The following MGMT variants were observed in gnomAD, a reference collection of about 807,000 sequenced individuals.
MGMT encodes the protein O-6-methylguanine-DNA methyltransferase.
In MGMT, 14 loss-of-function variants were observed where a neutral mutation model predicts 15.9. The ratio of observed to expected loss-of-function variants is 0.88; its 90% CI spans 0.58 to 1.37. The LOEUF (loss-of-function observed/expected upper bound fraction) is 1.37. Ranked by LOEUF, MGMT falls within the 40% of genes most tolerant of loss-of-function variation. The probability of loss-of-function intolerance (pLI) is 0.00; values close to 1 mark genes in which losing one functional copy is unlikely to be tolerated. For synonymous variants in MGMT, 130 were observed against 118.2 expected, an observed-to-expected ratio of 1.10 and a Z score of -0.65; for missense variants, 282 against 268.1, an observed-to-expected ratio of 1.05 and a Z score of -0.36.
chr10:129,741,517 G>C (rs1848632753), intron 3 of MGMT, among the ~76,000 whole-genome samples: 1 of 152,224 alleles, frequency 6.6e-6, no homozygotes. Context: ...CTGACCCATG[G>C]TGGAGGTGGT....
At chr10:129,729,699 C>T (rs1001939160) in intron 3 of MGMT, among the ~76,000 whole-genome samples, 6 of 152,192 alleles carry the variant, frequency 3.9e-5, no homozygotes, top group South Asian at 2.1e-4. Context: ...ATATGCCTGC[C>T]GCGTGGCATA....
intron 2 of MGMT, among the ~76,000 whole-genome samples, chr10:129,560,198 A>G (rs1309367391): frequency 6.6e-6 from 1 of 152,184 alleles, no homozygotes; most frequent in African/African-American, 2.4e-5. Context: ...TCAGGGTCTG[A>G]TGTGTAAGTT....
chr10:129,635,108 T>A (rs868116705), intron 2 of MGMT, among the ~76,000 whole-genome samples: 2 of 152,268 alleles, frequency 1.3e-5, no homozygotes, highest in African/African-American at 4.8e-5. Context: ...GGCATTCCAG[T>A]GTGGCTGTCA....
At position 129,511,035 on chromosome 10, in the gene MGMT, C is replaced by T. The variant is rs181563062; in HGVS notation, c.-12-25206C>T. On this transcript the variant is annotated intron_variant, in intron 1 of 4. Coordinates refer to ENST00000651593, the MANE Select transcript of MGMT (RefSeq NM_002412.5). Reference sequence around the variant, plus strand: ...ACACGTGCTTCCTGTAATGGGAACCCGTATACCAGATGCAGCCTGGTGCTT... The same window carrying T: ...ACACGTGCTTCCTGTAATGGGAACCTGTATACCAGATGCAGCCTGGTGCTT... Among the ~76,000 whole-genome samples, 5 of 142,136 alleles carry T rather than the reference C, an allele frequency of 3.5e-5. No homozygotes were observed. In the East Asian group the frequency reaches 1.1e-3, roughly 32 times the overall value. The allele number at this position is 142,136 out of a possible 152,430, so 93.2% of individuals were successfully genotyped here.
chr10:129,679,224 C>T (rs1327317874), intron 2 of MGMT, among the ~76,000 whole-genome samples: 1 of 152,132 alleles, frequency 6.6e-6, no homozygotes, highest in African/African-American at 2.4e-5. Flanking sequence ...TACTTTTTAT[C>T]TATTCCCCAA....
intron 2 of MGMT, chr10:129,563,803 C>T (rs1170949526): frequency 4.6e-5 from 7 of 152,198 alleles, no homozygotes; most frequent in South Asian, 2.1e-4. Context: ...TCCCGTGCCT[C>T]GGTGTGATCA....
intron 2 of MGMT, among the ~76,000 whole-genome samples, chr10:129,589,850 T>C (rs1187261561): frequency 6.6e-6 from 1 of 152,026 alleles, no homozygotes; most frequent in African/African-American, 2.4e-5. Flanking sequence ...TCAGAGCCAA[T>C]GGGAGCTGGC....
At chr10:129,731,858 T>C (rs1848501615) in intron 3 of MGMT, among the ~76,000 whole-genome samples, 1 of 152,242 alleles carries the variant, frequency 6.6e-6, no homozygotes, top group Non-Finnish European at 1.5e-5. Context: ...GATGCCTGCC[T>C]CAGTGGAAGA....
intron 2 of MGMT, among the ~76,000 whole-genome samples, chr10:129,611,288 T>TA (rs1404038619): frequency 6.6e-6 from 1 of 152,146 alleles, no homozygotes; most frequent in African/African-American, 2.4e-5. Flanking sequence ...TCAGGAAACT[T>TA]ACAATCATGG....
intron 1 of MGMT, among the ~76,000 whole-genome samples, chr10:129,525,297 A>C (rs1845857324): frequency 6.6e-6 from 1 of 152,186 alleles, no homozygotes. Context: ...ACCAGATTTT[A>C]TTTTAAGTAT....
At chr10:129,746,583 T>C (rs560800708) in intron 3 of MGMT, among the ~76,000 whole-genome samples, 1 of 152,322 alleles carries the variant, frequency 6.6e-6, no homozygotes, top group South Asian at 2.1e-4. Context: ...GCTTTCTTCA[T>C]TGAAATCCCT....
chr10:129,608,411 A>G (rs1402080006), intron 2 of MGMT, among the ~76,000 whole-genome samples: 1 of 152,204 alleles, frequency 6.6e-6, no homozygotes, highest in Non-Finnish European at 1.5e-5. Flanking sequence ...TACAAGATGT[A>G]CTGAACCTTT....
chr10:129,553,681 A>G (rs1846183034), intron 2 of MGMT, among the ~76,000 whole-genome samples: 1 of 152,230 alleles, frequency 6.6e-6, no homozygotes. Flanking sequence ...AGATGGTGGC[A>G]GATCAGTCCT....
chr10:129,687,565 AC>A (rs1488527345), intron 2 of MGMT, among the ~76,000 whole-genome samples: 1 of 152,044 alleles, frequency 6.6e-6, no homozygotes, highest in Non-Finnish European at 1.5e-5. Context: ...TGGTAGCTCC[AC>A]CCCGTCCTCC....
At chr10:129,577,220 A>T (rs1222624859) in intron 2 of MGMT, among the ~76,000 whole-genome samples, 3 of 152,216 alleles carry the variant, frequency 2.0e-5, no homozygotes, top group African/African-American at 7.2e-5. Flanking sequence ...AAGAGCCCAC[A>T]TTGCCAAGTC....
Position 129,475,004 on chromosome 10 carries a change from G to C in MGMT, c.-13+7708G>C, listed in dbSNP as rs185754776. On this transcript the variant is annotated intron_variant, in intron 1 of 4. Transcript: ENST00000651593. ...GAGGTGAAGAGCCTGGCCTTTGTTG[G>C]GGGGGGTGTTGGGGAGCTTGGTAAG... Among the ~76,000 whole-genome samples, 6 of 152,172 alleles carry C rather than the reference G, an allele frequency of 3.9e-5. No individual in the cohort carries two copies. The East Asian group carries it at 5.8e-4, about 15-fold the overall frequency.
Position 129,650,565 on chromosome 10 carries a change from G to T in MGMT, c.126-57330G>T, listed in dbSNP as rs373441868. On this transcript the variant is annotated intron_variant, in intron 2 of 4. Transcript: ENST00000651593. ...ACCATTGCGTCCTTTTGTTCTTTTT[G>T]CGAGGAAGAGATCCATGGGTTGGCT... 2.0e-4 allele frequency among the ~76,000 whole-genome samples: 31 copies of T among 152,262 alleles called. No homozygotes were observed. In the South Asian group the frequency reaches 5.8e-3, roughly 29 times the overall value.
chr10:129,560,954 AGTGT>A (rs57984603), intron 2 of MGMT, among the ~76,000 whole-genome samples: 21,516 of 132,848 alleles, frequency 0.16, 1,746 homozygotes, highest in East Asian at 0.25. Flanking sequence ...AGTAAAGAGC[AGTGT>A]GTGTGTGTGT....
intron 2 of MGMT, among the ~76,000 whole-genome samples, chr10:129,703,392 G>A (rs1216069166): frequency 2.0e-5 from 3 of 152,322 alleles, no homozygotes; most frequent in African/African-American, 4.8e-5. Context: ...TTGCTCAGGG[G>A]TGATGAAGGA....
Sources: gnomAD v4.1 joint callset for allele counts (sites outside exome capture counted in the v4.1 genomes callset) on GRCh38, gnomAD v4.1.1 for gene constraint, MANE v1.5 for transcripts, NCBI Gene and HGNC (gene_info 2026-07-23, HGNC 2026-07-21) for gene names.